ORMDL1: variants seen among roughly 807,000 people sequenced by gnomAD.
The protein encoded by ORMDL1 is ORMDL sphingolipid biosynthesis regulator 1.
A neutral mutation model predicts 13.0 loss-of-function variants in ORMDL1; 10 were observed. The ratio of observed to expected loss-of-function variants is 0.77; its 90% CI spans 0.47 to 1.30. The LOEUF (loss-of-function observed/expected upper bound fraction) is 1.30. Ranked by LOEUF, ORMDL1 falls within the 50% of genes most tolerant of loss-of-function variation. ORMDL1 has a pLI of 0.00. For missense variants in ORMDL1, 171 were observed against 186.7 expected, an observed-to-expected ratio of 0.92 and a Z score of 0.49; for synonymous variants, 61 against 63.9, an observed-to-expected ratio of 0.95 and a Z score of 0.22.
the ORMDL1 span, chr2:189,763,888 T>C: frequency 2.0e-5 from 3 of 152,364 alleles, no homozygotes; most frequent in Admixed American, 6.5e-5. Flanking sequence ...TTGGAACTTA[T>C]GTTTTTCAAA....
rs567434443 is a variant in ORMDL1, at chr2:189,782,511, C to G, written c.85G>C (p.Gly29Arg). The part of the protein sequence containing the change: ...SRGMWLTYAL[G>R]VGLLHIVLLS... Reference sequence around the variant, plus strand: ...AAGACAATATGAAGCAAGCCAACTCCCAATGCATATGTCAGCCACATACCC... The same window carrying G: ...AAGACAATATGAAGCAAGCCAACTCGCAATGCATATGTCAGCCACATACCC... Residue 29 changes from glycine (G) to arginine (R), a missense_variant, in exon 3 of 5, where the codon GGA becomes CGA. By Grantham distance (125) the Gly-to-Arg change is moderately radical (BLOSUM62 -2). Coordinates refer to ENST00000392349, the MANE Select transcript of ORMDL1 (RefSeq NM_016467.5). 1 of 1,614,106 alleles carries G rather than the reference C, an allele frequency of 6.2e-7. No individual in the cohort carries two copies. Among genetic ancestry groups the G allele is most frequent in the African/African-American group, 1.3e-5 (1 of 75,022 alleles).
At chr2:189,765,804 T>C (rs952924376), downstream of ORMDL1, among the ~76,000 whole-genome samples, 5 of 151,800 alleles carry the variant, frequency 3.3e-5, no homozygotes, top group Non-Finnish European at 7.4e-5. Context: ...TTGACTTGGC[T>C]AGTGCTAAAA....
chr2:189,774,015 C>T lies in ORMDL1; in HGVS notation c.326+1550G>A, dbSNP rs1021234418. The stretch of plus-strand genomic sequence containing the variant: ...CATTTTACATGTATTATAATGCAAT[C>T]CTCAATGTTTTACAGATGAGAAAAC... On this transcript the variant is annotated intron_variant, in intron 4 of 4. Transcript: ENST00000392349. 46 of 152,116 alleles carry T rather than the reference C, an allele frequency of 3.0e-4. 2 individuals carry two copies. The allele number at this position is 152,116 out of a possible 1,614,324, so 9.4% of individuals were successfully genotyped here. A position where few individuals can be genotyped will look rare whatever the true frequency, so the allele number is the denominator to read the frequency against.
chr2:189,777,625 T>G (rs920824631), intron 3 of ORMDL1, among the ~76,000 whole-genome samples: 2 of 152,200 alleles, frequency 1.3e-5, no homozygotes, highest in Non-Finnish European at 2.9e-5. Context: ...ATGTTTGTGA[T>G]TATTATTCCT....
At position 189,771,427 on chromosome 2, in the gene ORMDL1, G is replaced by C. The variant is rs1234122051; in HGVS notation, c.*340C>G. The C allele has an allele frequency of 5.9e-6, 1 of 169,438 alleles. No individual in the cohort carries two copies. The highest frequency in any genetic ancestry group is 2.4e-5 in the African/African-American group (1 of 42,218). The allele number at this position is 169,438 out of a possible 1,614,324, so 10.5% of individuals were successfully genotyped here. ...GGAAATGTTCTTTTCTTAACACAAT[G>C]CCCATTCATTATAAGTTAAGCTGGT... On this transcript the variant is annotated 3_prime_UTR_variant, in exon 5 of 5. Coordinates refer to ENST00000392349, the MANE Select transcript of ORMDL1 (RefSeq NM_016467.5).
At position 189,782,474 on chromosome 2, in the gene ORMDL1, G is replaced by T; in HGVS notation, c.122C>A (p.Pro41His). The T allele has an allele frequency of 6.2e-7, 1 of 1,614,090 alleles. No homozygotes were observed. Among genetic ancestry groups the T allele is most frequent in the Non-Finnish European group, 8.5e-7 (1 of 1,179,966 alleles). Reference protein sequence around the residue: ...GLLHIVLLSIPFFSVPVAWTL... With the variant: ...GLLHIVLLSIHFFSVPVAWTL... Reference sequence around the variant, plus strand: ...CCAAGCAACAGGAACACTGAAGAAGGGAATGCTGAGTAAGACAATATGAAG... The same window carrying T: ...CCAAGCAACAGGAACACTGAAGAAGTGAATGCTGAGTAAGACAATATGAAG... Residue 41 changes from proline to histidine, a missense_variant, in exon 3 of 5, where the codon CCC (proline) becomes CAC (histidine). By Grantham distance (77) the Pro-to-His change is moderately conservative. Transcript: ENST00000392349.
At chr2:189,775,973 CTAAAAA>C (rs2047687226) in intron 3 of ORMDL1, among the ~76,000 whole-genome samples, 2 of 152,106 alleles carry the variant, frequency 1.3e-5, no homozygotes, top group Non-Finnish European at 2.9e-5. Context: ...ATTCGTTAAA[CTAAAAA>C]TAATTATCAG....
chr2:189,776,480 G>A (rs1186248873), intron 3 of ORMDL1, among the ~76,000 whole-genome samples: 1 of 152,128 alleles, frequency 6.6e-6, no homozygotes, highest in Non-Finnish European at 1.5e-5. Flanking sequence ...CTCATAGGCA[G>A]TGTTTCATTC....
downstream of ORMDL1, among the ~76,000 whole-genome samples, chr2:189,769,333 G>C (rs920519044): frequency 6.6e-6 from 1 of 151,906 alleles, no homozygotes; most frequent in Non-Finnish European, 1.5e-5. Context: ...GTTGCAGTGA[G>C]CCGGGATCAC....
intron 1 of ORMDL1, chr2:189,783,434 A>G (rs1039554961): frequency 3.9e-5 from 6 of 152,190 alleles, no homozygotes; most frequent in Non-Finnish European, 7.3e-5. Flanking sequence ...AAACGAGGCT[A>G]GATTATATTT....
At chr2:189,773,383 A>G (rs1041152683) in intron 4 of ORMDL1, among the ~76,000 whole-genome samples, 9 of 152,310 alleles carry the variant, frequency 5.9e-5, no homozygotes, top group Non-Finnish European at 7.4e-5. Context: ...CTGAACTCCA[A>G]CTAGGTGCAA....
At chr2:189,775,481 TG>T in intron 4 of ORMDL1, 83 bp downstream of exon 4, 1 of 1,387,326 alleles carries the variant, frequency 7.2e-7, no homozygotes, top group Non-Finnish European at 9.7e-7. Context: ...CAACAAAATA[TG>T]TTTCTAATTC....
intron 4 of ORMDL1, 118 bp downstream of exon 4, chr2:189,775,447 G>A: frequency 2.8e-6 from 3 of 1,089,882 alleles, no homozygotes; most frequent in Non-Finnish European, 3.9e-6. Flanking sequence ...TCTATCCGAG[G>A]TGCTACTTAT....
chr2:189,782,609 G>C lies in ORMDL1; in HGVS notation c.-7-7C>G. 6.2e-7 allele frequency: 1 copy of C among 1,610,600 alleles called. No individual in the cohort carries two copies. Among genetic ancestry groups the C allele is most frequent in the African/African-American group, 1.3e-5 (1 of 74,952 alleles). ...TCCAACGTTCATGTTTGCTCTGTAG[G>C]AAGTAATGAAATGAATCAACACTGA... On this transcript the variant is annotated splice_region_variant and splice_polypyrimidine_tract_variant and intron_variant, in intron 2 of 4. Coordinates refer to ENST00000392349, the MANE Select transcript of ORMDL1 (RefSeq NM_016467.5).
At position 189,771,721 on chromosome 2, in the gene ORMDL1, T is replaced by A; in HGVS notation, c.*46A>T. ...CAGTTTACTAACCACTCCTTCCTTATAAGAAATTCAGTAGCTGTAAAATTT... is the reference window on the plus strand; with the variant it reads ...CAGTTTACTAACCACTCCTTCCTTAAAAGAAATTCAGTAGCTGTAAAATTT... On this transcript the variant is annotated 3_prime_UTR_variant, in exon 5 of 5. Transcript: ENST00000392349. The A allele has an allele frequency of 6.6e-7, 1 of 1,505,408 alleles. No individual in the cohort carries two copies. Among genetic ancestry groups the A allele is most frequent in the Non-Finnish European group, 9.0e-7 (1 of 1,110,146 alleles). The allele number at this position is 1,505,408 out of a possible 1,614,324, so 93.3% of individuals were successfully genotyped here.
Position 189,775,620 on chromosome 2 carries a change from A to T in ORMDL1, c.271T>A (p.Tyr91Asn), listed in dbSNP as rs1156903012. Residue 91 changes from tyrosine to asparagine, a missense_variant, in exon 4 of 5, where the codon TAT (tyrosine) becomes AAT (asparagine). By Grantham distance (143) the Tyr-to-Asn change is moderately radical. Coordinates refer to ENST00000392349, the MANE Select transcript of ORMDL1 (RefSeq NM_016467.5). ...CGTGAAGATGTAAACTGTACTCCAT[A>T]GTCCAGTTGTTCCCAATGAGTTAGG... ...RLLTHWEQLD[Y>N]GVQFTSSRKF... 1 of 1,613,968 alleles carries T rather than the reference A, an allele frequency of 6.2e-7. No homozygotes were observed. Among genetic ancestry groups the T allele is most frequent in the East Asian group, 2.2e-5 (1 of 44,856 alleles).
the ORMDL1 span, chr2:189,764,407 A>G: frequency 7.9e-5 from 12 of 152,354 alleles, no homozygotes; most frequent in African/African-American, 2.9e-4. Flanking sequence ...TTCCTCGTCT[A>G]GGCACTCTTG....
intron 3 of ORMDL1, 53 bp from the exon 4 acceptor site, chr2:189,775,769 CTT>C (rs1478894011): frequency 6.5e-7 from 1 of 1,543,922 alleles, no homozygotes; most frequent in South Asian, 1.2e-5. Context: ...CAAAATTAGT[CTT>C]TGTCAGTAGC....
the ORMDL1 span, chr2:189,763,900 A>C: frequency 2.2e-4 from 34 of 152,212 alleles, no homozygotes; most frequent in African/African-American, 8.2e-4. Flanking sequence ...TTTTTCAAAA[A>C]TTTCATTTAT....
Sources: allele counts gnomAD v4.1 joint callset (sites outside exome capture counted in the v4.1 genomes callset), GRCh38; gene constraint gnomAD v4.1.1; transcripts MANE v1.5; gene names NCBI Gene and HGNC (gene_info 2026-07-23, HGNC 2026-07-21).